The following GALNT13 variants were observed in gnomAD, a reference collection of about 807,000 sequenced individuals.
The protein encoded by GALNT13 is UDP-GalNAc:polypeptide N-acetylgalactosaminyltransferase 13.
In GALNT13, 28 loss-of-function variants were observed where a neutral mutation model predicts 64.2. That is an observed-to-expected ratio of 0.44 (90% CI 0.32 to 0.60). GALNT13 has a LOEUF of 0.60. GALNT13 is among the 20% of genes least tolerant of loss of function. The pLI is 0.05. For missense variants in GALNT13, 577 were observed against 669.8 expected (o/e 0.86, Z 1.53); for synonymous variants, 214 against 224.6 (o/e 0.95, Z 0.42).
chr2:154,415,944 T>C (rs1699989627), intron 11 of GALNT13, among the ~76,000 whole-genome samples: 2 of 152,148 alleles, frequency 1.3e-5, no homozygotes, highest in Admixed American at 1.3e-4. Context: ...TTAAATAGAA[T>C]GGCCTATGAG....
At chr2:154,054,951 A>G (rs1192773574) in intron 3 of GALNT13, among the ~76,000 whole-genome samples, 1 of 151,920 alleles carries the variant, frequency 6.6e-6, no homozygotes, top group Non-Finnish European at 1.5e-5. Context: ...AATTATGTTG[A>G]TAAAATAAGA....
intron 9 of GALNT13, among the ~76,000 whole-genome samples, chr2:154,333,648 A>C (rs1574104434): frequency 2.0e-5 from 3 of 152,222 alleles, no homozygotes; most frequent in Middle Eastern, 3.4e-3. Flanking sequence ...ATAGCAATGA[A>C]TTCTTTATAC....
the GALNT13 span, among the ~76,000 whole-genome samples, chr2:153,408,340 T>A: frequency 4.0e-5 from 6 of 151,192 alleles, no homozygotes; most frequent in Admixed American, 4.0e-4. Context: ...CTGCAGAAAA[T>A]GACCGGCATA....
At chr2:153,669,933 G>C in the GALNT13 span, among the ~76,000 whole-genome samples, 1 of 145,840 alleles carries the variant, frequency 6.9e-6, no homozygotes, top group African/African-American at 2.5e-5. Flanking sequence ...GCGGCAGTCT[G>C]ACATCAACCT....
chr2:154,443,530 T>G (rs1457522175), intron 12 of GALNT13, among the ~76,000 whole-genome samples: 1 of 152,092 alleles, frequency 6.6e-6, no homozygotes, highest in Non-Finnish European at 1.5e-5. Flanking sequence ...AATCTTTTAC[T>G]ATACCAACTT....
the GALNT13 span, among the ~76,000 whole-genome samples, chr2:153,660,923 G>T: frequency 5.6e-3 from 846 of 152,232 alleles, 12 homozygotes; most frequent in African/African-American, 0.019. Flanking sequence ...AGCATTGGAG[G>T]CACTGCCCGT....
the GALNT13 span, among the ~76,000 whole-genome samples, chr2:153,524,830 T>C: frequency 1.3e-5 from 2 of 152,164 alleles, no homozygotes; most frequent in African/African-American, 4.8e-5. Context: ...ACAAGGACTG[T>C]AACACCTAGG....
At chr2:153,690,493 T>C in the GALNT13 span, among the ~76,000 whole-genome samples, 1 of 152,236 alleles carries the variant, frequency 6.6e-6, no homozygotes, top group South Asian at 2.1e-4. Flanking sequence ...AGTAATTTGC[T>C]GGGTACGACC....
At chr2:153,161,031 A>C in the GALNT13 span, among the ~76,000 whole-genome samples, 1 of 152,212 alleles carries the variant, frequency 6.6e-6, no homozygotes, top group African/African-American at 2.4e-5. Flanking sequence ...CTAGATTAAA[A>C]GGCAGTAAAA....
chr2:154,040,450 C>A lies in GALNT13; in HGVS notation c.142+95811C>A, dbSNP rs575469855. 1.4e-5 allele frequency among the ~76,000 whole-genome samples: 2 copies of A among 140,578 alleles called. 1 individual carries two copies. The highest frequency in any genetic ancestry group is 3.3e-5 in the Non-Finnish European group (2 of 61,174). 92.2% of individuals were successfully genotyped at this position (140,578 alleles called of 152,430 possible). A position where few individuals can be genotyped will look rare whatever the true frequency, so the allele number is the denominator to read the frequency against. ...TTGATAATGGTAAAGACTTTGAAAT[C>A]ATATTGTCTTGGTTCAATTTTTTCC... On this transcript the variant is annotated intron_variant, in intron 3 of 12. Coordinates refer to ENST00000392825, the MANE Select transcript of GALNT13 (RefSeq NM_052917.4).
the GALNT13 span, among the ~76,000 whole-genome samples, chr2:153,707,052 C>T: frequency 6.6e-6 from 1 of 152,144 alleles, no homozygotes; most frequent in African/African-American, 2.4e-5. Context: ...AGTTCCCCTG[C>T]ACGATTTCTC....
intron 9 of GALNT13, among the ~76,000 whole-genome samples, chr2:154,347,292 T>C (rs1524918): frequency 0.19 from 29,174 of 152,054 alleles, 3,301 homozygotes; most frequent in Middle Eastern, 0.36. Flanking sequence ...TGATTATCAA[T>C]TCATGGGAGC....
chr2:153,408,052 G>A, the GALNT13 span, among the ~76,000 whole-genome samples: 2 of 152,204 alleles, frequency 1.3e-5, no homozygotes, highest in African/African-American at 2.4e-5. Context: ...AGCGGGAGTG[G>A]ATAGGAGACT....
chr2:153,914,835 A>G (rs1689221383), intron 2 of GALNT13, among the ~76,000 whole-genome samples: 1 of 151,900 alleles, frequency 6.6e-6, no homozygotes, highest in Non-Finnish European at 1.5e-5. Flanking sequence ...ATAGGGGAGG[A>G]AACCTCTTAT....
the GALNT13 span, among the ~76,000 whole-genome samples, chr2:153,313,696 A>G: frequency 6.6e-6 from 1 of 152,204 alleles, no homozygotes; most frequent in Non-Finnish European, 1.5e-5. Flanking sequence ...TCTGAACTTA[A>G]AAGTTAAAAA....
chr2:154,257,756 G>T (rs2105899259), intron 7 of GALNT13: 1 of 152,260 alleles, frequency 6.6e-6, no homozygotes, highest in African/African-American at 2.4e-5. Context: ...TTATTTGGTG[G>T]TTTTTCAATG....
the GALNT13 span, among the ~76,000 whole-genome samples, chr2:153,448,253 T>A: frequency 1.3e-5 from 2 of 152,218 alleles, no homozygotes; most frequent in African/African-American, 4.8e-5. Flanking sequence ...TCTATATTTA[T>A]CAACACTGCC....
intron 3 of GALNT13, among the ~76,000 whole-genome samples, chr2:154,065,063 C>T (rs138231133): frequency 6.6e-6 from 1 of 152,202 alleles, no homozygotes; most frequent in African/African-American, 2.4e-5. Flanking sequence ...ATCCCTTGGG[C>T]TTTCAGTGAA....
chr2:153,247,381 T>C, the GALNT13 span, among the ~76,000 whole-genome samples: 2 of 152,176 alleles, frequency 1.3e-5, no homozygotes, highest in African/African-American at 4.8e-5. Context: ...TACTACATAA[T>C]TGGAAATAAA....
Sources: gnomAD v4.1 joint callset for allele counts (sites outside exome capture counted in the v4.1 genomes callset) on GRCh38, gnomAD v4.1.1 for gene constraint, MANE v1.5 for transcripts, NCBI Gene and HGNC (gene_info 2026-07-23, HGNC 2026-07-21) for gene names.